The following ZFAT variants were observed in gnomAD, a reference collection of about 807,000 sequenced individuals.
ZFAT encodes zinc finger and AT-hook domain containing.
Under a neutral mutation model 117.7 loss-of-function variants are expected in ZFAT, and 64 were observed. That is an observed-to-expected ratio of 0.54 (90% CI 0.44 to 0.67). The LOEUF is 0.67. Ranked by LOEUF, ZFAT falls within the 30% of genes least tolerant of loss-of-function variation. The pLI, the probability that ZFAT is intolerant of heterozygous loss-of-function variation, is 0.00. For synonymous variants in ZFAT, 679 were observed against 615.0 expected (o/e 1.10, Z -1.54); for missense variants, 1,433 against 1,584.5 (o/e 0.90, Z 1.62).
chr8:134,593,993 T>C (rs985491404), intron 7 of ZFAT, among the ~76,000 whole-genome samples: 16 of 152,364 alleles, frequency 1.1e-4, no homozygotes, highest in African/African-American at 3.4e-4. Flanking sequence ...ATGCTGAAAT[T>C]GCAACTGATT....
chr8:134,717,876 G>A (rs112318830), upstream of ZFAT, among the ~76,000 whole-genome samples: 2 of 152,120 alleles, frequency 1.3e-5, no homozygotes, highest in African/African-American at 4.8e-5. Flanking sequence ...TGTATTTTTA[G>A]TAGAGAAGGA....
At chr8:134,737,289 T>A in the ZFAT span, among the ~76,000 whole-genome samples, 1 of 140,766 alleles carries the variant, frequency 7.1e-6, no homozygotes, top group Non-Finnish European at 1.5e-5. Flanking sequence ...TCAAAAAAAA[T>A]GAAAATAAAA....
At chr8:134,816,254 C>T in the ZFAT span, among the ~76,000 whole-genome samples, 32 of 152,068 alleles carry the variant, frequency 2.1e-4, no homozygotes, top group Admixed American at 1.8e-3. Flanking sequence ...AAAGGTCATA[C>T]CTAAAATATG....
the ZFAT span, chr8:134,793,814 C>T: frequency 6.6e-6 from 1 of 152,150 alleles, no homozygotes; most frequent in African/African-American, 2.4e-5. Flanking sequence ...ACAGGTGGCC[C>T]CATTTTACAA....
At chr8:134,764,825 T>C in the ZFAT span, 5 of 152,268 alleles carry the variant, frequency 3.3e-5, no homozygotes, top group African/African-American at 1.2e-4. Context: ...AAGTGTGGTA[T>C]GGCAGCACCC....
chr8:134,518,894 C>A (rs946982586), intron 13 of ZFAT, among the ~76,000 whole-genome samples: 4 of 152,002 alleles, frequency 2.6e-5, no homozygotes, highest in Non-Finnish European at 5.9e-5. Context: ...TGTCACTTAT[C>A]AAAAAGCCCA....
chr8:134,645,758 T>C (rs1241124714), intron 2 of ZFAT, among the ~76,000 whole-genome samples: 1 of 152,134 alleles, frequency 6.6e-6, no homozygotes, highest in African/African-American at 2.4e-5. Flanking sequence ...AGCCAGGAAA[T>C]AGATGTGAAT....
chr8:134,565,057 C>T, intron 11 of ZFAT: 1 of 1,414,544 alleles, frequency 7.1e-7, no homozygotes. Context: ...CTAAATCACT[C>T]CAGTGCTTTT....
intron 10 of ZFAT, among the ~76,000 whole-genome samples, chr8:134,580,904 G>A (rs909894530): frequency 2.0e-5 from 3 of 152,068 alleles, no homozygotes; most frequent in African/African-American, 7.2e-5. Context: ...CCAAACTGAG[G>A]AAGGTTTCTT....
chr8:134,697,436 G>A (rs1197381878), intron 1 of ZFAT, among the ~76,000 whole-genome samples: 1 of 149,702 alleles, frequency 6.7e-6, no homozygotes, highest in African/African-American at 2.4e-5. Flanking sequence ...AGTAGAGAAG[G>A]GGTTTCACCA....
intron 15 of ZFAT, among the ~76,000 whole-genome samples, chr8:134,481,237 T>C (rs1817282733): frequency 6.6e-6 from 1 of 152,198 alleles, no homozygotes; most frequent in Non-Finnish European, 1.5e-5. Context: ...GAAGGCAACA[T>C]GCAGCTAATC....
the ZFAT span, among the ~76,000 whole-genome samples, chr8:134,772,362 C>A: frequency 3.9e-5 from 6 of 152,168 alleles, no homozygotes. Context: ...AGTGAACACA[C>A]AAATAAGAAA....
chr8:134,620,582 T>C (rs1216865631), intron 3 of ZFAT, among the ~76,000 whole-genome samples: 1 of 152,182 alleles, frequency 6.6e-6, no homozygotes, highest in Non-Finnish European at 1.5e-5. Context: ...GTTCAACAAA[T>C]AAATGCCTAT....
intron 11 of ZFAT, among the ~76,000 whole-genome samples, chr8:134,538,633 C>A (rs1822017343): frequency 6.6e-6 from 1 of 151,922 alleles, no homozygotes; most frequent in African/African-American, 2.4e-5. Context: ...CCCTTCTCTA[C>A]TAAAAATACA....
intron 7 of ZFAT, chr8:134,597,901 C>T (rs1047903771): frequency 3.3e-5 from 5 of 152,352 alleles, no homozygotes; most frequent in Middle Eastern, 6.8e-3. Flanking sequence ...GTCACACCCC[C>T]TTATTCAGCA....
chr8:134,815,962 G>C, the ZFAT span, among the ~76,000 whole-genome samples: 1 of 152,246 alleles, frequency 6.6e-6, no homozygotes, highest in East Asian at 1.9e-4. Context: ...AGCCAACATA[G>C]AGGCTCTGTA....
the ZFAT span, chr8:134,785,491 C>G: frequency 6.6e-6 from 1 of 151,416 alleles, no homozygotes; most frequent in African/African-American, 2.4e-5. Flanking sequence ...AAATGGTATT[C>G]CCGCCCCCTC....
At chr8:134,544,149 C>G (rs1376671549) in intron 11 of ZFAT, among the ~76,000 whole-genome samples, 2 of 152,126 alleles carry the variant, frequency 1.3e-5, no homozygotes, top group African/African-American at 2.4e-5. Context: ...TCATCTGTCC[C>G]CCAACACCTG....
At chr8:134,613,954 G>T (rs1403110076) in intron 3 of ZFAT, among the ~76,000 whole-genome samples, 1 of 152,142 alleles carries the variant, frequency 6.6e-6, no homozygotes, top group Non-Finnish European at 1.5e-5. Context: ...TTGAACCATT[G>T]TGCCTGGACT....
Sources: allele counts gnomAD v4.1 joint callset (sites outside exome capture counted in the v4.1 genomes callset), GRCh38; gene constraint gnomAD v4.1.1; transcripts MANE v1.5; gene names NCBI Gene and HGNC (gene_info 2026-07-23, HGNC 2026-07-21).